The following WAC variants were observed in gnomAD, a reference collection of about 807,000 sequenced individuals.
WAC encodes WW domain containing adaptor with coiled-coil, also known as WW domain-containing adapter protein with coiled-coil.
WAC carries 11 observed loss-of-function variants against 79.6 expected under a neutral mutation model. The observed-to-expected ratio is 0.14, with a 90% CI of 0.09 to 0.23. WAC has a LOEUF of 0.23. Among genes scored for constraint, WAC ranks in the 10% least tolerant of loss-of-function variants. The pLI is 1.00. For synonymous variants in WAC, 304 were observed against 276.9 expected (o/e 1.10, Z -0.97); for missense variants, 728 against 773.5 (o/e 0.94, Z 0.70).
chr10:28,540,880 T>G (rs1015323344), intron 3 of WAC, among the ~76,000 whole-genome samples: 1 of 152,308 alleles, frequency 6.6e-6, no homozygotes, highest in Non-Finnish European at 1.5e-5. Flanking sequence ...CTTCATTGTT[T>G]TTTTTTTAAT....
At position 28,540,217 on chromosome 10, in the gene WAC, C is replaced by T. The variant is rs984432861; in HGVS notation, c.274+4460C>T. Among the ~76,000 whole-genome samples the T allele has an allele frequency of 3.9e-5, 6 of 151,982 alleles. No homozygotes were observed. In the South Asian group the frequency reaches 6.3e-4, roughly 16 times the overall value. On this transcript the variant is annotated intron_variant, in intron 3 of 13. Coordinates refer to ENST00000354911, the MANE Select transcript of WAC (RefSeq NM_016628.5). ...AACTTTGGAAGACAACAGATAGTAT[C>T]CTTATTTCCAGTTTTACAAATGAGG...
rs1839642695 is a variant in WAC at position 28,583,468 on chromosome 10, C to A, written c.344C>A (p.Ser115Tyr). 6.3e-7 allele frequency: 1 copy of A among 1,591,280 alleles called. No individual in the cohort carries two copies. Among genetic ancestry groups the A allele is most frequent in the Non-Finnish European group, 8.5e-7 (1 of 1,171,178 alleles). ...SALHSSNSHS[S>Y]NPSNNPSKTS... ...CTTCATAGTTCAAATTCACATTCTT[C>A]TAATCCAAGCAATAACCCAAGCAAA... The change falls in exon 4 of 14, where the codon TCT (serine) becomes TAT (tyrosine). Residue 115 changes from serine to tyrosine, a missense_variant. Physicochemically the swap from Ser to Tyr is moderately radical, Grantham distance 144. Coordinates refer to ENST00000354911, the MANE Select transcript of WAC (RefSeq NM_016628.5).
intron 3 of WAC, among the ~76,000 whole-genome samples, chr10:28,536,767 CA>C (rs1276464857): frequency 6.6e-6 from 1 of 152,188 alleles, no homozygotes; most frequent in Non-Finnish European, 1.5e-5. Flanking sequence ...GCCCGAATTA[CA>C]TTTCATGTCA....
At chr10:28,573,843 C>G (rs1289928251) in intron 3 of WAC, among the ~76,000 whole-genome samples, 1 of 152,062 alleles carries the variant, frequency 6.6e-6, no homozygotes, top group Non-Finnish European at 1.5e-5. Context: ...CTTACAAACC[C>G]TTTAACTGTC....
chr10:28,596,136 T>C (rs1367786429), intron 7 of WAC, 95 bp downstream of exon 7: 2 of 1,302,314 alleles, frequency 1.5e-6, no homozygotes, highest in South Asian at 1.6e-5. Flanking sequence ...TGGCTCTGAA[T>C]TATAAATTTT....
rs1841623580 is a variant in WAC, at chr10:28,619,669, C to A, written c.*63C>A. On this transcript the variant is annotated 3_prime_UTR_variant, in exon 14 of 14. Coordinates refer to ENST00000354911, the MANE Select transcript of WAC (RefSeq NM_016628.5). Reference sequence around the variant, plus strand: ...CTGTAAATCTGTTGCCCAATCTTAACATTTTTGAGCTGCATTTAAGTAGAC... The same window carrying A: ...CTGTAAATCTGTTGCCCAATCTTAAAATTTTTGAGCTGCATTTAAGTAGAC... 4 of 1,375,722 alleles carry A rather than the reference C, an allele frequency of 2.9e-6. No homozygotes were observed. The highest frequency in any genetic ancestry group is 3.9e-6 in the Non-Finnish European group (4 of 1,018,596). The allele number at this position is 1,375,722 out of a possible 1,614,324, so 85.2% of individuals were successfully genotyped here. A position where few individuals can be genotyped will look rare whatever the true frequency, so the allele number is the denominator to read the frequency against.
chr10:28,587,474 T>C (rs1285194043), intron 4 of WAC, among the ~76,000 whole-genome samples: 4 of 152,342 alleles, frequency 2.6e-5, no homozygotes, highest in Middle Eastern at 3.4e-3. Context: ...GAAAGGCTGT[T>C]GGGGTTCCCC....
chr10:28,536,602 C>T (rs900366550), intron 3 of WAC, among the ~76,000 whole-genome samples: 2 of 152,056 alleles, frequency 1.3e-5, no homozygotes, highest in African/African-American at 4.8e-5. Flanking sequence ...GATTTTTATA[C>T]CTGGTTCATT....
intron 3 of WAC, among the ~76,000 whole-genome samples, chr10:28,551,810 GTGTGTGTGTT>G (rs1251414380): frequency 1.4e-5 from 2 of 147,508 alleles, no homozygotes; most frequent in Non-Finnish European, 3.0e-5. Flanking sequence ...GTGTGTGTGT[GTGTGTGTGTT>G]TCTTTTTTTT....
intron 7 of WAC, among the ~76,000 whole-genome samples, chr10:28,603,352 T>C (rs1043632537): frequency 1.4e-4 from 22 of 152,200 alleles, no homozygotes; most frequent in African/African-American, 5.1e-4. Context: ...TGATCTATAG[T>C]AGTCTAGGTT....
chr10:28,584,923 C>T (rs964258612), intron 4 of WAC, among the ~76,000 whole-genome samples: 6 of 151,974 alleles, frequency 3.9e-5, no homozygotes, highest in African/African-American at 1.5e-4. Flanking sequence ...CAAAAGTTAT[C>T]CTGGCATGGT....
chr10:28,591,574 T>G (rs1840084402), intron 6 of WAC: 2 of 152,214 alleles, frequency 1.3e-5, no homozygotes, highest in Admixed American at 6.5e-5. Context: ...TGAATAAAAT[T>G]TACTCCCAGT....
At chr10:28,585,748 C>G (rs1839789004) in intron 4 of WAC, among the ~76,000 whole-genome samples, 1 of 152,058 alleles carries the variant, frequency 6.6e-6, no homozygotes, top group Non-Finnish European at 1.5e-5. Flanking sequence ...TTGTCTACTC[C>G]TAGGACAGCA....
chr10:28,533,958 G>T lies in WAC; in HGVS notation c.42-40G>T, dbSNP rs755863489. 1.9e-6 allele frequency: 3 copies of T among 1,603,308 alleles called. No individual in the cohort carries two copies. The South Asian group carries it at 3.3e-5, about 18-fold the overall frequency. The stretch of plus-strand genomic sequence containing the variant: ...TCTTCCTCCCCGGCCCCCCACCCGC[G>T]CCGTGTCTTATGTCGCTGCCTTCTC... On this transcript the variant is annotated intron_variant, in intron 1 of 13. Transcript: ENST00000354911.
chr10:28,595,565 C>A (rs572102882), intron 6 of WAC, among the ~76,000 whole-genome samples, 168 bp from the exon 7 acceptor site: 1 of 152,110 alleles, frequency 6.6e-6, no homozygotes, highest in Non-Finnish European at 1.5e-5. Context: ...TATTTACATG[C>A]TAGTGGTAAA....
Position 28,543,578 on chromosome 10 carries a change from T to G in WAC, c.274+7821T>G, listed in dbSNP as rs1339539842. ...TGTTGGCCTGTCTGGCTTTTACATA[T>G]ATTTTTATTTCTCTAAGGAAAGTAT... On this transcript the variant is annotated intron_variant, in intron 3 of 13. Coordinates refer to ENST00000354911, the MANE Select transcript of WAC (RefSeq NM_016628.5). Among the ~76,000 whole-genome samples, 3 of 152,372 alleles carry G rather than the reference T, an allele frequency of 2.0e-5. 1 individual carries two copies. The South Asian group carries it at 6.2e-4, about 32-fold the overall frequency.
chr10:28,591,305 AT>A (rs1194496697), intron 6 of WAC: 3 of 157,466 alleles, frequency 1.9e-5, no homozygotes, highest in Non-Finnish European at 4.1e-5. Context: ...GTAGAAACTA[AT>A]TTCACCATGA....
At chr10:28,575,315 T>A (rs537157436) in intron 3 of WAC, among the ~76,000 whole-genome samples, 1 of 152,314 alleles carries the variant, frequency 6.6e-6, no homozygotes, top group Non-Finnish European at 1.5e-5. Flanking sequence ...CGTCCCCGAG[T>A]ACCCAATGTT....
intron 1 of WAC, 39 bp from the exon 2 acceptor site, chr10:28,533,959 C>T (rs777709388): frequency 7.5e-6 from 12 of 1,604,096 alleles, no homozygotes; most frequent in South Asian, 3.3e-5. Context: ...CCCACCCGCG[C>T]CGTGTCTTAT....
Sources: gnomAD v4.1 joint callset for allele counts (sites outside exome capture counted in the v4.1 genomes callset) on GRCh38, gnomAD v4.1.1 for gene constraint, MANE v1.5 for transcripts, NCBI Gene and HGNC (gene_info 2026-07-23, HGNC 2026-07-21) for gene names.